The following TACC2 variants were observed in gnomAD, a reference collection of about 807,000 sequenced individuals.
TACC2 encodes the protein transforming acidic coiled-coil-containing protein 2.
A neutral mutation model predicts 227.3 loss-of-function variants in TACC2; 137 were observed. The observed-to-expected ratio is 0.60, with a 90% CI of 0.52 to 0.69. The LOEUF is 0.69. TACC2 is among the 30% of genes least tolerant of loss of function. TACC2 has a pLI of 0.00. For synonymous variants in TACC2, 1,523 were observed against 1,487.5 expected (o/e 1.02, Z -0.55); for missense variants, 3,470 against 3,694.4 (o/e 0.94, Z 1.57).
chr10:122,219,018 CAAAAAA>C (rs61446434), intron 11 of TACC2, among the ~76,000 whole-genome samples: 2 of 74,684 alleles, frequency 2.7e-5, no homozygotes, highest in Non-Finnish European at 2.6e-5. Flanking sequence ...AGACTCGTCT[CAAAAAA>C]AAAAAAAAAA....
intron 5 of TACC2, among the ~76,000 whole-genome samples, chr10:122,105,988 ATTT>A (rs35421851): frequency 1.8e-4 from 23 of 124,660 alleles, no homozygotes; most frequent in Middle Eastern, 4.9e-3. Context: ...ATACATATAC[ATTT>A]TTTTTTTTTT....
At chr10:122,197,037 G>T (rs2094596648) in intron 8 of TACC2, among the ~76,000 whole-genome samples, 1 of 151,996 alleles carries the variant, frequency 6.6e-6, no homozygotes, top group African/African-American at 2.4e-5. Flanking sequence ...AAGGAGGGTG[G>T]ATCACCTGAG....
Position 122,084,797 on chromosome 10 carries a change from C to T in TACC2, c.2297C>T (p.Ala766Val), listed in dbSNP as rs569744421. 2,374 of 1,613,618 alleles carry T rather than the reference C, an allele frequency of 1.5e-3. 58 individuals are homozygous for T. In the South Asian group the frequency reaches 0.025, roughly 17 times the overall value. Reference sequence around the variant, plus strand: ...TCCCCAGATCAACCCCGCGGGCCGGCGTGTGATGCGTCGAGACAGGAATTT... The same window carrying T: ...TCCCCAGATCAACCCCGCGGGCCGGTGTGTGATGCGTCGAGACAGGAATTT... Reference protein sequence around the residue: ...LTSPDQPRGPACDASRQEFHA... With the variant: ...LTSPDQPRGPVCDASRQEFHA... The change falls in exon 4 of 23, where the codon GCG (alanine) becomes GTG (valine). Residue 766 changes from alanine (A) to valine (V), a missense_variant. By Grantham distance (64) the Ala-to-Val change is moderately conservative (BLOSUM62 0). This residue lies in a region of TACC2 where 1,924 missense variants were observed against 1,978.3 expected (regional missense o/e 0.97). Transcript: ENST00000369005.
chr10:122,033,853 G>T (rs2461213), intron 2 of TACC2, among the ~76,000 whole-genome samples: 54,058 of 151,810 alleles, frequency 0.36, 9,976 homozygotes, highest in Admixed American at 0.48. Flanking sequence ...GGTGAAGTGG[G>T]CTTTTAAAAA....
chr10:122,006,479 T>TAAATAAATAAATAAATAAATAAAA (rs1375429983), intron 1 of TACC2, among the ~76,000 whole-genome samples: 1 of 145,920 alleles, frequency 6.9e-6, no homozygotes, highest in African/African-American at 2.5e-5. Flanking sequence ...AATAAATAAA[T>TAAATAAATAAATAAATAAATAAAA]AAAAAATAGG....
intron 3 of TACC2, among the ~76,000 whole-genome samples, chr10:122,065,375 TTTC>T (rs1170134188): frequency 6.6e-6 from 1 of 152,248 alleles, no homozygotes; most frequent in Non-Finnish European, 1.5e-5. Context: ...TCCTTCTTTC[TTTC>T]TTCTTTTACT....
chr10:122,148,936 C>T (rs1565438377), intron 7 of TACC2, among the ~76,000 whole-genome samples: 1 of 152,240 alleles, frequency 6.6e-6, no homozygotes, highest in Admixed American at 6.5e-5. Context: ...ACCATTGCTG[C>T]AGTCACCACG....
chr10:122,232,425 C>G (rs1251649978), intron 16 of TACC2, among the ~76,000 whole-genome samples: 1 of 152,134 alleles, frequency 6.6e-6, no homozygotes, highest in African/African-American at 2.4e-5. Flanking sequence ...CAAATAATGG[C>G]CAGGAGTTGA....
At chr10:122,243,828 A>G (rs1457014102) in intron 19 of TACC2, among the ~76,000 whole-genome samples, 1 of 152,190 alleles carries the variant, frequency 6.6e-6, no homozygotes, top group Non-Finnish European at 1.5e-5. Flanking sequence ...GCCCTTGGTG[A>G]TGACATTTTG....
chr10:122,008,264 A>ATTATTATTATTTTATT, intron 1 of TACC2, among the ~76,000 whole-genome samples: 8,594 of 134,590 alleles, frequency 0.064, 543 homozygotes, highest in East Asian at 0.29. Context: ...TATTATTATT[A>ATTATTATTATTTTATT]TTTTTTTTTT....
At chr10:121,990,930 G>A (rs1333557023) in intron 1 of TACC2, among the ~76,000 whole-genome samples, 1 of 152,086 alleles carries the variant, frequency 6.6e-6, no homozygotes, top group Non-Finnish European at 1.5e-5. Flanking sequence ...TGGGATTACA[G>A]GCACCTGCCA....
At chr10:122,116,953 T>G (rs2084811654) in intron 5 of TACC2, among the ~76,000 whole-genome samples, 1 of 151,994 alleles carries the variant, frequency 6.6e-6, no homozygotes, top group Non-Finnish European at 1.5e-5. Flanking sequence ...TGCAAAGCCC[T>G]TCACACAACA....
At chr10:122,134,011 C>T (rs1201054639) in intron 6 of TACC2, among the ~76,000 whole-genome samples, 5 of 152,120 alleles carry the variant, frequency 3.3e-5, no homozygotes, top group Non-Finnish European at 7.3e-5. Flanking sequence ...AGCACCAAGA[C>T]ACCTCTTCAA....
At chr10:122,169,053 A>G (rs1328061220) in intron 7 of TACC2, among the ~76,000 whole-genome samples, 1 of 152,374 alleles carries the variant, frequency 6.6e-6, no homozygotes, top group Non-Finnish European at 1.5e-5. Context: ...CTGGTTGGCC[A>G]CAAAGAACTG....
At chr10:122,155,331 C>A (rs889583748) in intron 7 of TACC2, among the ~76,000 whole-genome samples, 1 of 152,172 alleles carries the variant, frequency 6.6e-6, no homozygotes, top group African/African-American at 2.4e-5. Context: ...GCCTTTTATT[C>A]CTAGTACAAA....
In TACC2 at chr10:122,084,443, A is replaced by G; in HGVS notation, c.1943A>G (p.His648Arg). 2 of 1,612,730 alleles carry G rather than the reference A, an allele frequency of 1.2e-6. No individual in the cohort carries two copies. Among genetic ancestry groups the G allele is most frequent in the East Asian group, 2.2e-5 (1 of 44,868 alleles). The change falls in exon 4 of 23, where the codon CAC becomes CGC. Residue 648 changes from histidine to arginine, a missense_variant. Around this residue, in one of 10 missense-constraint regions of TACC2, gnomAD observed 1,924 missense variants for 1,978.3 expected, o/e 0.97. Coordinates refer to ENST00000369005, the MANE Select transcript of TACC2 (RefSeq NM_206862.4). ...GGTGCTGGGCACACGGACGGGCCCC[A>G]CTCTCAGACAGCAGAGGCTGATGCA... ...KGGAGHTDGP[H>R]SQTAEADASG...
chr10:122,166,679 G>T (rs1391529050), intron 7 of TACC2, among the ~76,000 whole-genome samples: 2 of 152,202 alleles, frequency 1.3e-5, no homozygotes, highest in Non-Finnish European at 2.9e-5. Flanking sequence ...ATGCCCAGGT[G>T]ATTTGTAGGC....
chr10:122,025,660 G>A (rs1167040196), intron 2 of TACC2, among the ~76,000 whole-genome samples: 1 of 150,024 alleles, frequency 6.7e-6, no homozygotes, highest in Non-Finnish European at 1.5e-5. Flanking sequence ...TGCAACCTCC[G>A]CCTCCCAGGT....
chr10:122,237,285 C>A, intron 16 of TACC2, 110 bp from the exon 17 acceptor site: 1 of 1,085,370 alleles, frequency 9.2e-7, no homozygotes, highest in Non-Finnish European at 1.3e-6. Flanking sequence ...TTTTGATGTT[C>A]TTTGTTTCAA....
Sources: gnomAD v4.1 joint callset for allele counts (sites outside exome capture counted in the v4.1 genomes callset) on GRCh38, gnomAD v4.1.1 for gene constraint, gnomAD v4.1.1 regional missense constraint, MANE v1.5 for transcripts, NCBI Gene and HGNC (gene_info 2026-07-23, HGNC 2026-07-21) for gene names.